The following TENM2 variants were observed in gnomAD, a reference collection of about 807,000 sequenced individuals.
TENM2 encodes teneurin transmembrane protein 2, also known as teneurin-2.
A neutral mutation model predicts 245.2 loss-of-function variants in TENM2; 52 were observed. The ratio of observed to expected loss-of-function variants is 0.21; its 90% CI spans 0.17 to 0.27. The LOEUF (loss-of-function observed/expected upper bound fraction) is 0.27, where lower values mean the gene tolerates loss of function less well. Ranked by LOEUF, TENM2 falls within the 10% of genes least tolerant of loss-of-function variation. The pLI, the probability that TENM2 is intolerant of heterozygous loss-of-function variation, is 1.00. For synonymous variants in TENM2, 1,363 were observed against 1,438.9 expected (o/e 0.95, Z 1.19); for missense variants, 3,046 against 3,666.8 (o/e 0.83, Z 4.37).
chr5:167,034,111 C>A, the TENM2 span, among the ~76,000 whole-genome samples: 4 of 152,282 alleles, frequency 2.6e-5, no homozygotes, highest in South Asian at 8.3e-4. Flanking sequence ...TCTAACTCCT[C>A]AAGATAATAA....
intron 9 of TENM2, among the ~76,000 whole-genome samples, chr5:168,116,369 G>A (rs1230417406): frequency 6.6e-6 from 1 of 152,002 alleles, no homozygotes; most frequent in Non-Finnish European, 1.5e-5. Flanking sequence ...GCATTTTGAG[G>A]GGAAATGACC....
chr5:167,377,931 T>C (rs1014261759), intron 2 of TENM2, among the ~76,000 whole-genome samples: 1 of 152,160 alleles, frequency 6.6e-6, no homozygotes, highest in Non-Finnish European at 1.5e-5. Context: ...CTTTTAGGTA[T>C]GCCTTTCTTG....
At chr5:167,506,936 G>T (rs900574482) in intron 2 of TENM2, among the ~76,000 whole-genome samples, 1 of 152,044 alleles carries the variant, frequency 6.6e-6, no homozygotes, top group Admixed American at 6.6e-5. Flanking sequence ...TAATTTGTTT[G>T]TGAAAGTTCC....
chr5:168,182,015 T>C (rs1022516081), intron 13 of TENM2, among the ~76,000 whole-genome samples: 1 of 152,156 alleles, frequency 6.6e-6, no homozygotes, highest in Non-Finnish European at 1.5e-5. Context: ...TGGCCGTTGC[T>C]CTGTGCAGGG....
intron 3 of TENM2, among the ~76,000 whole-genome samples, chr5:167,928,125 G>A (rs1777902181): frequency 6.6e-6 from 1 of 152,086 alleles, no homozygotes; most frequent in Admixed American, 6.5e-5. Context: ...CTTCTTCTCT[G>A]GGGTATGGGG....
At chr5:167,188,413 C>T in the TENM2 span, among the ~76,000 whole-genome samples, 3 of 152,100 alleles carry the variant, frequency 2.0e-5, no homozygotes, top group African/African-American at 4.8e-5. Flanking sequence ...TCTCAAAACA[C>T]GAAATGAGCC....
At chr5:167,111,996 C>A in the TENM2 span, among the ~76,000 whole-genome samples, 1 of 152,282 alleles carries the variant, frequency 6.6e-6, no homozygotes. Context: ...TCCCTTGTCA[C>A]TTTTTTCTTT....
chr5:167,891,804 C>G (rs1774783855), intron 3 of TENM2, among the ~76,000 whole-genome samples: 1 of 152,074 alleles, frequency 6.6e-6, no homozygotes, highest in Admixed American at 6.5e-5. Flanking sequence ...TGAGCCAGGT[C>G]CTTGGCTTCC....
At chr5:168,101,597 T>G (rs1286328615) in intron 9 of TENM2, among the ~76,000 whole-genome samples, 2 of 152,216 alleles carry the variant, frequency 1.3e-5, no homozygotes, top group African/African-American at 4.8e-5. Flanking sequence ...CCATGGTATA[T>G]AATTGATCCT....
chr5:167,018,564 G>A, the TENM2 span, among the ~76,000 whole-genome samples: 6 of 152,202 alleles, frequency 3.9e-5, no homozygotes, highest in South Asian at 1.2e-3. Flanking sequence ...TATTTTTAGG[G>A]TGGCAGACAG....
the TENM2 span, among the ~76,000 whole-genome samples, chr5:167,267,193 T>C: frequency 6.6e-6 from 1 of 152,178 alleles, no homozygotes; most frequent in Non-Finnish European, 1.5e-5. Context: ...CTTCCATTTG[T>C]TCTTTGGGTC....
intron 3 of TENM2, among the ~76,000 whole-genome samples, chr5:167,900,147 T>G (rs10071914): frequency 0.5 from 64,905 of 129,432 alleles, 18,172 homozygotes; most frequent in African/African-American, 0.79. Context: ...GGGGGGGGTT[T>G]TGGAAAGGAA....
the TENM2 span, among the ~76,000 whole-genome samples, chr5:167,048,594 A>G: frequency 6.6e-6 from 1 of 152,190 alleles, no homozygotes; most frequent in East Asian, 1.9e-4. Context: ...TATGGATGTG[A>G]TAAGTTATAA....
chr5:167,548,053 C>A (rs1253606528), intron 2 of TENM2, among the ~76,000 whole-genome samples: 1 of 152,154 alleles, frequency 6.6e-6, no homozygotes, highest in East Asian at 1.9e-4. Context: ...ATTTTTATTC[C>A]CAGACTTATC....
At chr5:168,176,489 G>A (rs1759371440) in intron 13 of TENM2, among the ~76,000 whole-genome samples, 3 of 152,124 alleles carry the variant, frequency 2.0e-5, no homozygotes, top group East Asian at 1.9e-4. Flanking sequence ...TCCTCATTTC[G>A]TTTAGGTTTC....
At chr5:167,216,345 TCA>T in the TENM2 span, among the ~76,000 whole-genome samples, 4 of 152,178 alleles carry the variant, frequency 2.6e-5, no homozygotes, top group Non-Finnish European at 5.9e-5. Context: ...GAGGCAAGTG[TCA>T]GAGTCTTTCA....
At chr5:167,297,724 AAG>A (rs1755030973) in intron 1 of TENM2, among the ~76,000 whole-genome samples, 1 of 104,090 alleles carries the variant, frequency 9.6e-6, no homozygotes, top group Non-Finnish European at 1.9e-5. Flanking sequence ...TGAGTCTGAA[AAG>A]AGAGTCAGCA....
Position 168,150,915 on chromosome 5 carries a change from A to C in TENM2, c.2423-11696A>C, listed in dbSNP as rs540245699. Among the ~76,000 whole-genome samples, 10 of 152,324 alleles carry C rather than the reference A, an allele frequency of 6.6e-5. No individual in the cohort carries two copies. The East Asian group carries it at 1.7e-3, about 26-fold the overall frequency. ...TTTTCAGCCACAAATGATGATAATA[A>C]TATGTATTTCATACCATCCTTGAAG... On this transcript the variant is annotated intron_variant, in intron 12 of 28. Coordinates refer to ENST00000518659, the Ensembl canonical transcript of TENM2.
At chr5:167,620,549 C>CTTTTTTTTTTTTTTTTTTTT (rs11455974) in intron 2 of TENM2, among the ~76,000 whole-genome samples, 5 of 73,306 alleles carry the variant, frequency 6.8e-5, no homozygotes, top group Non-Finnish European at 9.6e-5. Flanking sequence ...TGCTTTTTGG[C>CTTTTTTTTTTTTTTTTTTTT]TTTTTTTTTT....
Sources: allele counts gnomAD v4.1 joint callset (sites outside exome capture counted in the v4.1 genomes callset), GRCh38; gene constraint gnomAD v4.1.1; transcripts MANE v1.5; gene names NCBI Gene and HGNC (gene_info 2026-07-23, HGNC 2026-07-21).